PCNT: variants seen among roughly 807,000 people sequenced by gnomAD.
The protein encoded by PCNT is pericentrin.
A neutral mutation model predicts 380.4 loss-of-function variants in PCNT; 319 were observed. The observed-to-expected ratio is 0.84, with a 90% CI of 0.77 to 0.92. The LOEUF (loss-of-function observed/expected upper bound fraction) is 0.92, where lower values mean the gene tolerates loss of function less well. PCNT is among the 40% of genes least tolerant of loss of function. The pLI, the probability that PCNT is intolerant of heterozygous loss-of-function variation, is 0.00. For synonymous variants in PCNT, 1,845 were observed against 1,735.2 expected (o/e 1.06, Z -1.57); for missense variants, 4,400 against 4,255.3 (o/e 1.03, Z -0.95).
chr21:46,399,538 G>C, intron 24 of PCNT, 52 bp from the exon 25 acceptor site: 1 of 1,404,958 alleles, frequency 7.1e-7, no homozygotes, highest in Non-Finnish European at 1.0e-6. Context: ...TTGGAAAATG[G>C]GTTTTTATAA....
chr21:46,353,063 G>A (rs749789667), intron 9 of PCNT, 41 bp from the exon 10 acceptor site: 1 of 1,531,720 alleles, frequency 6.5e-7, no homozygotes. Flanking sequence ...TGTTGTGGGT[G>A]TCCCATTTTA....
At chr21:46,350,668 C>T (rs1345151547) in intron 8 of PCNT, among the ~76,000 whole-genome samples, 1 of 152,160 alleles carries the variant, frequency 6.6e-6, no homozygotes, top group Non-Finnish European at 1.5e-5. Flanking sequence ...CTGTCCTGGG[C>T]CCCTTGTGTC....
At chr21:46,409,225 G>C (rs1221012683) in intron 27 of PCNT, among the ~76,000 whole-genome samples, 1 of 117,970 alleles carries the variant, frequency 8.5e-6, no homozygotes, top group Admixed American at 1.1e-4. Flanking sequence ...GTCTCTCTCT[G>C]TTGCCCAGGC....
chr21:46,353,392 G>C (rs1265539585), intron 10 of PCNT, 66 bp downstream of exon 10: 3 of 1,355,792 alleles, frequency 2.2e-6, no homozygotes, highest in Non-Finnish European at 2.1e-6. Flanking sequence ...GAGTTCAGGG[G>C]TAGTTTTGTT....
intron 3 of PCNT, among the ~76,000 whole-genome samples, chr21:46,340,545 G>A (rs554666326): frequency 6.6e-6 from 1 of 152,178 alleles, no homozygotes; most frequent in African/African-American, 2.4e-5. Context: ...CTTTAAAATT[G>A]GTTGTTATTC....
In PCNT at chr21:46,398,052, C is replaced by T. The variant is rs2086266050; in HGVS notation, c.4485C>T (p.Phe1495=). ...AGCGGGAGCACGAGCGCGAGGAGTT[C>T]CAGCAGGAGATTCAGAGGCTGGAGG... ...AAEREHEREE[F]QQEIQRLEGQ... The change falls in exon 23 of 47, where the codon TTC becomes TTT. Residue 1495 remains phenylalanine (F), a synonymous_variant. Coordinates refer to ENST00000359568, the MANE Select transcript of PCNT (RefSeq NM_006031.6). The T allele has an allele frequency of 6.3e-7, 1 of 1,596,522 alleles. No homozygotes were observed. Among genetic ancestry groups the T allele is most frequent in the Admixed American group, 1.7e-5 (1 of 57,442 alleles).
chr21:46,438,049 T>C, intron 40 of PCNT, 115 bp from the exon 41 acceptor site: 1 of 866,258 alleles, frequency 1.2e-6, no homozygotes, highest in Non-Finnish European at 1.9e-6. Flanking sequence ...AAGCTTCTCA[T>C]TGAACCCCAG....
chr21:46,334,254 G>T, intron 2 of PCNT, 143 bp from the exon 3 acceptor site: 1 of 1,079,554 alleles, frequency 9.3e-7, no homozygotes. Context: ...AATGCGGAAG[G>T]TGCACGTTCT....
intron 27 of PCNT, among the ~76,000 whole-genome samples, chr21:46,406,164 G>T (rs1188866334): frequency 6.6e-6 from 1 of 152,194 alleles, no homozygotes; most frequent in Admixed American, 6.5e-5. Context: ...CGTCTCCCTG[G>T]CGTGGTCGTG....
At chr21:46,324,970 G>A (rs990898633) in intron 1 of PCNT, 2 of 907,980 alleles carry the variant, frequency 2.2e-6, no homozygotes, top group African/African-American at 3.0e-5. Context: ...CTCGCGTCCT[G>A]CCCGTCCGGG....
chr21:46,363,963 C>G, intron 14 of PCNT, 29 bp downstream of exon 14: 8 of 1,585,568 alleles, frequency 5.0e-6, no homozygotes, highest in Non-Finnish European at 6.9e-6. Flanking sequence ...CATCTGCAGT[C>G]CCTGTGAGGC....
intron 15 of PCNT, among the ~76,000 whole-genome samples, chr21:46,378,910 T>C (rs1251534632): frequency 6.6e-6 from 1 of 152,216 alleles, no homozygotes; most frequent in Non-Finnish European, 1.5e-5. Flanking sequence ...GCACGTGTCT[T>C]TTAAACCAGG....
intron 24 of PCNT, among the ~76,000 whole-genome samples, chr21:46,399,062 GCCTGC>G (rs2086309418): frequency 2.0e-5 from 3 of 151,706 alleles, no homozygotes; most frequent in African/African-American, 7.3e-5. Flanking sequence ...CTCGTGATCT[GCCTGC>G]CTCAGCCTCC....
In PCNT at chr21:46,367,014, C is replaced by T. The variant is rs747524559; in HGVS notation, c.3040C>T (p.Gln1014Ter). The T allele has an allele frequency of 6.2e-7, 1 of 1,614,158 alleles. No individual in the cohort carries two copies. Among genetic ancestry groups the T allele is most frequent in the South Asian group, 1.1e-5 (1 of 91,088 alleles). Residue 1014 changes from glutamine to a stop codon, truncating the protein, a stop_gained, in exon 15 of 47, where the codon CAA (glutamine) becomes TAA (stop). Transcript: ENST00000359568. LOFTEE classifies it high-confidence loss of function. ...KDSLHQTILT[Q>*]ELEKLKRKHE... ...CTCTCTTCACCAAACGATTTTGACT[C>T]AAGAGTTGGAGAAACTGAAGCGGAA...
At chr21:46,368,507 A>G (rs959217688) in intron 15 of PCNT, among the ~76,000 whole-genome samples, 2 of 152,022 alleles carry the variant, frequency 1.3e-5, no homozygotes, top group East Asian at 1.9e-4. Context: ...TATCATGAAG[A>G]AGAATTTCTG....
At chr21:46,372,291 T>C (rs1569214836) in intron 15 of PCNT, among the ~76,000 whole-genome samples, 1 of 143,982 alleles carries the variant, frequency 6.9e-6, no homozygotes, top group African/African-American at 2.9e-5. Context: ...ACACAGCACA[T>C]ACACATAGCA....
intron 11 of PCNT, among the ~76,000 whole-genome samples, chr21:46,355,241 C>T (rs755228945): frequency 6.6e-6 from 1 of 152,216 alleles, no homozygotes; most frequent in African/African-American, 2.4e-5. Context: ...GTATGTCTTC[C>T]GGAGGCCTGA....
At chr21:46,383,829 G>A (rs1375315344) in intron 16 of PCNT, among the ~76,000 whole-genome samples, 4 of 143,624 alleles carry the variant, frequency 2.8e-5, no homozygotes, top group Admixed American at 7.0e-5. Context: ...TGCGTTCAGT[G>A]GCGGAAGCGC....
chr21:46,442,629 G>A (rs1302948456), intron 44 of PCNT, 56 bp downstream of exon 44: 1 of 1,088,536 alleles, frequency 9.2e-7, no homozygotes, highest in Non-Finnish European at 1.4e-6. Context: ...TTCTACTCTT[G>A]TTTTTCATTC....
Sources: gnomAD v4.1 joint callset for allele counts (sites outside exome capture counted in the v4.1 genomes callset) on GRCh38, gnomAD v4.1.1 for gene constraint, MANE v1.5 for transcripts, NCBI Gene and HGNC (gene_info 2026-07-23, HGNC 2026-07-21) for gene names.